PLCL1: variants seen among roughly 807,000 people sequenced by gnomAD.
PLCL1 encodes the protein inactive phospholipase C-like protein 1.
A neutral mutation model predicts 84.4 loss-of-function variants in PLCL1; 41 were observed. That is an observed-to-expected ratio of 0.49 (90% CI 0.38 to 0.63). PLCL1 has a LOEUF of 0.63. Ranked by LOEUF, PLCL1 falls within the 30% of genes least tolerant of loss-of-function variation. The pLI, the probability that PLCL1 is intolerant of heterozygous loss-of-function variation, is 0.00. For synonymous variants in PLCL1, 490 were observed against 488.3 expected, an observed-to-expected ratio of 1.00 and a Z score of -0.05; for missense variants, 1,206 against 1,367.8, an observed-to-expected ratio of 0.88 and a Z score of 1.87.
intron 1 of PLCL1, among the ~76,000 whole-genome samples, chr2:197,838,527 A>G (rs1173324896): frequency 6.6e-6 from 1 of 152,254 alleles, no homozygotes; most frequent in African/African-American, 2.4e-5. Context: ...GATCACAAAG[A>G]ACATAACATG....
At chr2:198,098,445 T>C (rs1232130439) in intron 3 of PLCL1, among the ~76,000 whole-genome samples, 1 of 152,222 alleles carries the variant, frequency 6.6e-6, no homozygotes, top group African/African-American at 2.4e-5. Context: ...ATTACCAACT[T>C]GCACTTGCAA....
chr2:197,912,746 AG>A (rs1688508155), intron 1 of PLCL1, among the ~76,000 whole-genome samples: 1 of 136,952 alleles, frequency 7.3e-6, no homozygotes, highest in East Asian at 2.4e-4. Flanking sequence ...TTGAACAGTG[AG>A]ATCACATGGA....
In PLCL1 at chr2:197,903,649, A is replaced by AT. The variant is rs11295926; in HGVS notation, c.240+98337dup. ...CAGGTGCCCGCCACCACGCCCAGCTATTTTTTTTTTTTTTTTTTTTTTTTT... is the reference window on the plus strand; with the variant it reads ...CAGGTGCCCGCCACCACGCCCAGCTATTTTTTTTTTTTTTTTTTTTTTTTTT... On this transcript the variant is annotated intron_variant, in intron 1 of 5. Coordinates refer to ENST00000428675, the MANE Select transcript of PLCL1 (RefSeq NM_006226.4). Among the ~76,000 whole-genome samples the AT allele has an allele frequency of 7.3e-4, 53 of 72,412 alleles. 3 individuals carry two copies. Among genetic ancestry groups the AT allele is most frequent in the East Asian group, 2.0e-3 (5 of 2,470 alleles). 47.5% of individuals were successfully genotyped at this position (72,412 alleles called of 152,430 possible).
chr2:198,104,278 G>GGAAAAAA (rs1438283947), intron 5 of PLCL1, among the ~76,000 whole-genome samples: 1 of 151,932 alleles, frequency 6.6e-6, no homozygotes, highest in Non-Finnish European at 1.5e-5. Flanking sequence ...ACTTATAAGT[G>GGAAAAAA]AGAATATATA....
chr2:197,919,582 AC>A (rs970228374), intron 1 of PLCL1, among the ~76,000 whole-genome samples: 13 of 152,224 alleles, frequency 8.5e-5, no homozygotes, highest in African/African-American at 2.9e-4. Context: ...TGCCTTCCTA[AC>A]ACAGAGTAAG....
At chr2:198,146,746 G>A in intron 5 of PLCL1, 34 bp from the exon 6 acceptor site, 2 of 1,585,110 alleles carry the variant, frequency 1.3e-6, no homozygotes, top group East Asian at 4.5e-5. Context: ...GCCCATAACT[G>A]TCTTCTTTGA....
intron 1 of PLCL1, among the ~76,000 whole-genome samples, chr2:197,928,435 G>C (rs535560957): frequency 6.6e-6 from 1 of 152,294 alleles, no homozygotes; most frequent in Non-Finnish European, 1.5e-5. Flanking sequence ...AAGAAGTATA[G>C]ATACTAGCCA....
At chr2:197,963,617 TG>T (rs1199006918) in intron 1 of PLCL1, among the ~76,000 whole-genome samples, 1 of 152,288 alleles carries the variant, frequency 6.6e-6, no homozygotes, top group East Asian at 1.9e-4. Flanking sequence ...GTTTTTGCTT[TG>T]GTTGCCTTTG....
intron 1 of PLCL1, among the ~76,000 whole-genome samples, chr2:197,872,723 T>C (rs907786871): frequency 2.0e-5 from 3 of 152,178 alleles, no homozygotes; most frequent in Admixed American, 2.0e-4. Context: ...CTCAATTAGC[T>C]ATTTTTGTGA....
intron 1 of PLCL1, among the ~76,000 whole-genome samples, chr2:197,827,259 C>T (rs72918839): frequency 0.051 from 7,784 of 152,166 alleles, 268 homozygotes; most frequent in Middle Eastern, 0.1. Context: ...GGTCAGGAGG[C>T]CCAGTGCAAT....
At position 197,805,962 on chromosome 2, in the gene PLCL1, G is replaced by A. The variant is rs999440796; in HGVS notation, c.240+623G>A. 1.3e-5 allele frequency among the ~76,000 whole-genome samples: 2 copies of A among 152,184 alleles called. No homozygotes were observed. Among genetic ancestry groups the A allele is most frequent in the Admixed American group, 1.3e-4 (2 of 15,282 alleles). On this transcript the variant is annotated intron_variant, in intron 1 of 5. Transcript: ENST00000428675. The surrounding 1 kb of genome is among the most constrained non-coding windows in gnomAD (Gnocchi z 4.0). ...GTCCTTGTGGTTACCACCACATCCA[G>A]GGAAAACGCTTCCTGACCCGCTAAT... is the stretch of plus-strand genomic sequence containing the variant.
intron 1 of PLCL1, among the ~76,000 whole-genome samples, chr2:197,939,265 A>G (rs1013521513): frequency 6.6e-6 from 1 of 152,188 alleles, no homozygotes; most frequent in Non-Finnish European, 1.5e-5. Flanking sequence ...TAGGATACCT[A>G]CAGCAGTGTC....
chr2:198,094,308 G>C (rs545820481), intron 3 of PLCL1, among the ~76,000 whole-genome samples: 2 of 152,206 alleles, frequency 1.3e-5, no homozygotes, highest in African/African-American at 2.4e-5. Context: ...TGATCTGCCC[G>C]CCTTGGCCTC....
intron 1 of PLCL1, among the ~76,000 whole-genome samples, chr2:197,933,673 T>C (rs764149716): frequency 9.9e-5 from 15 of 152,138 alleles, no homozygotes; most frequent in Admixed American, 2.6e-4. Context: ...ATGGAAGTCA[T>C]TGGAACTGGG....
intron 1 of PLCL1, among the ~76,000 whole-genome samples, chr2:197,861,986 A>G (rs934137020): frequency 2.0e-5 from 3 of 152,212 alleles, no homozygotes; most frequent in African/African-American, 7.2e-5. Flanking sequence ...CTTCTTTTTC[A>G]GTTTAATGGA....
At chr2:197,806,928 G>A (rs1340002862) in intron 1 of PLCL1, among the ~76,000 whole-genome samples, 2 of 152,162 alleles carry the variant, frequency 1.3e-5, no homozygotes, top group Non-Finnish European at 2.9e-5. Context: ...ATTGTACTAT[G>A]CTGGTTTATA....
chr2:197,936,144 C>T (rs75751269), intron 1 of PLCL1, among the ~76,000 whole-genome samples: 1 of 138,562 alleles, frequency 7.2e-6, no homozygotes, highest in Non-Finnish European at 1.6e-5. Context: ...CCCCCCCTCA[C>T]ATTTTCTTTA....
rs540590447 is a variant in PLCL1, at chr2:198,101,317, G to A, written c.2952G>A (p.Met984Ile). Residue 984 changes from methionine to isoleucine, a missense_variant, in exon 4 of 6, where the codon ATG (methionine) becomes ATA (isoleucine). Met to Ile is a conservative substitution (Grantham distance 10, BLOSUM62 1). Transcript: ENST00000428675. ...MIQESRFLIE[M>I]ADTVQEKIVQ... ...AAGAGAGCCGGTTTCTCATAGAAAT[G>A]GCGGACACAGTCCAGGAAAAGATTG... 8 of 1,600,314 alleles carry A rather than the reference G, an allele frequency of 5.0e-6. No homozygotes were observed. Among genetic ancestry groups the A allele is most frequent in the Non-Finnish European group, 5.1e-6 (6 of 1,169,176 alleles).
At chr2:198,037,960 A>G (rs1016490989) in intron 1 of PLCL1, among the ~76,000 whole-genome samples, 2 of 152,212 alleles carry the variant, frequency 1.3e-5, no homozygotes, top group Non-Finnish European at 2.9e-5. Context: ...ATGCATTTTC[A>G]AGAAACTGAA....
Sources: allele counts gnomAD v4.1 joint callset (sites outside exome capture counted in the v4.1 genomes callset), GRCh38; gene constraint gnomAD v4.1.1; non-coding constraint Gnocchi (gnomAD v3.1); transcripts MANE v1.5; gene names NCBI Gene and HGNC (gene_info 2026-07-23, HGNC 2026-07-21).